HELZ: variants seen among roughly 807,000 people sequenced by gnomAD.
The protein encoded by HELZ is helicase with zinc finger.
In HELZ, 23 loss-of-function variants were observed where a neutral mutation model predicts 218.2. The ratio of observed to expected loss-of-function variants is 0.11; its 90% CI spans 0.08 to 0.15. The LOEUF (loss-of-function observed/expected upper bound fraction) is 0.15. HELZ is among the 10% of genes least tolerant of loss of function. The pLI is 1.00. For synonymous variants in HELZ, 814 were observed against 829.4 expected (o/e 0.98, Z 0.32); for missense variants, 1,813 against 2,353.7 (o/e 0.77, Z 4.75).
At chr17:67,167,363 G>C in intron 14 of HELZ, 100 bp downstream of exon 14, 2 of 860,816 alleles carry the variant, frequency 2.3e-6, no homozygotes, top group Non-Finnish European at 3.7e-6. Flanking sequence ...AGTCAGCTTT[G>C]CTTTTGTTTA....
intron 5 of HELZ, among the ~76,000 whole-genome samples, chr17:67,209,779 A>C (rs191212866): frequency 6.6e-6 from 1 of 152,288 alleles, no homozygotes; most frequent in African/African-American, 2.4e-5. Context: ...TCATCTGTAA[A>C]ACTGCAATGA....
At chr17:67,243,024 A>C (rs1190862621) in intron 2 of HELZ, among the ~76,000 whole-genome samples, 1 of 152,212 alleles carries the variant, frequency 6.6e-6, no homozygotes, top group Non-Finnish European at 1.5e-5. Flanking sequence ...AAAACATTTT[A>C]AGTTGAGAAA....
intron 22 of HELZ, 81 bp from the exon 23 acceptor site, chr17:67,136,279 A>C: frequency 1.1e-6 from 1 of 928,952 alleles, no homozygotes; most frequent in Non-Finnish European, 1.6e-6. Flanking sequence ...CATTTTTTAA[A>C]ATGTTATTGC....
chr17:67,089,609 A>T (rs1223462268), intron 31 of HELZ, among the ~76,000 whole-genome samples: 1 of 146,952 alleles, frequency 6.8e-6, no homozygotes, highest in Non-Finnish European at 1.5e-5. Context: ...AAACTGGAAA[A>T]TTTTTTAATG....
At chr17:67,140,664 GTTC>G (rs2038294978) in intron 21 of HELZ, among the ~76,000 whole-genome samples, 1 of 152,078 alleles carries the variant, frequency 6.6e-6, no homozygotes. Flanking sequence ...CAGAAAAAAG[GTTC>G]AAAGAAATAA....
rs1301765625 is a variant in HELZ at position 67,077,066 on chromosome 17, A to G, written c.*1186T>C. 2.6e-5 allele frequency: 4 copies of G among 152,250 alleles called. No individual in the cohort carries two copies. The highest frequency in any genetic ancestry group is 5.9e-5 in the Non-Finnish European group (4 of 68,040). The allele number at this position is 152,250 out of a possible 1,614,324, so 9.4% of individuals were successfully genotyped here. A position where few individuals can be genotyped will look rare whatever the true frequency, so the allele number is the denominator to read the frequency against. On this transcript the variant is annotated 3_prime_UTR_variant, in exon 33 of 33. Transcript: ENST00000358691. ...TATTTAAGATGGCTATTTAAATTTT[A>G]TATTGTGTACAAGTTCAATAAGGGG...
At chr17:67,110,727 T>C (rs2037256455) in intron 28 of HELZ, among the ~76,000 whole-genome samples, 1 of 152,200 alleles carries the variant, frequency 6.6e-6, no homozygotes, top group Non-Finnish European at 1.5e-5. Flanking sequence ...CACTCATTTG[T>C]TTACATGTTG....
At chr17:67,171,714 C>A (rs767593834) in intron 13 of HELZ, among the ~76,000 whole-genome samples, 14 of 152,218 alleles carry the variant, frequency 9.2e-5, no homozygotes, top group Non-Finnish European at 1.6e-4. Flanking sequence ...GTCCCCACCA[C>A]ACAAGCACCC....
chr17:67,110,405 CAA>C (rs1040403797), intron 28 of HELZ, among the ~76,000 whole-genome samples: 3 of 152,026 alleles, frequency 2.0e-5, no homozygotes, highest in African/African-American at 7.3e-5. Flanking sequence ...TATATTTCCT[CAA>C]AAATATCTAT....
chr17:67,228,500 A>C (rs9895792), intron 3 of HELZ, among the ~76,000 whole-genome samples: 4,708 of 152,092 alleles, frequency 0.031, 248 homozygotes, highest in African/African-American at 0.11. Flanking sequence ...CGCCTCTACC[A>C]AAAATACAAA....
At chr17:67,148,533 C>T (rs778648221) in intron 20 of HELZ, 36 bp downstream of exon 20, 26 of 1,583,054 alleles carry the variant, frequency 1.6e-5, no homozygotes, top group African/African-American at 1.2e-4. Flanking sequence ...ATCAGACCAA[C>T]GAAAGTATGA....
chr17:67,102,741 AT>A (rs769004172), intron 31 of HELZ, among the ~76,000 whole-genome samples: 137 of 152,362 alleles, frequency 9.0e-4, no homozygotes, highest in Non-Finnish European at 1.5e-3. Context: ...TGCTAAAAAA[AT>A]ATTATCTTTG....
chr17:67,211,064 G>A (rs2040437715), intron 5 of HELZ, among the ~76,000 whole-genome samples: 1 of 152,150 alleles, frequency 6.6e-6, no homozygotes, highest in African/African-American at 2.4e-5. Flanking sequence ...TTGGTCGCTG[G>A]CTTGGCAATC....
At chr17:67,119,924 G>T in intron 27 of HELZ, 1 of 405,514 alleles carries the variant, frequency 2.5e-6, no homozygotes, top group South Asian at 1.8e-5. Flanking sequence ...TCAATTTTGT[G>T]TCTGTGTACA....
intron 31 of HELZ, among the ~76,000 whole-genome samples, chr17:67,091,116 T>C (rs1277735985): frequency 6.6e-6 from 1 of 152,080 alleles, no homozygotes; most frequent in African/African-American, 2.4e-5. Context: ...TATATTTCCA[T>C]TTTCACTCAA....
chr17:67,116,206 T>C (rs2037420903), intron 27 of HELZ, among the ~76,000 whole-genome samples: 1 of 138,346 alleles, frequency 7.2e-6, no homozygotes, highest in Non-Finnish European at 1.6e-5. Flanking sequence ...CAAAAAGGAG[T>C]CATTAAAAAA....
At chr17:67,207,947 T>C (rs2040347532) in intron 5 of HELZ, among the ~76,000 whole-genome samples, 1 of 152,150 alleles carries the variant, frequency 6.6e-6, no homozygotes, top group East Asian at 1.9e-4. Flanking sequence ...TGCAGTGAGC[T>C]GAGATCACTC....
chr17:67,234,969 G>A (rs1045759616), intron 3 of HELZ, among the ~76,000 whole-genome samples: 5 of 152,126 alleles, frequency 3.3e-5, no homozygotes, highest in Non-Finnish European at 7.4e-5. Context: ...ACTTAATCCC[G>A]AAGTACCTTG....
At chr17:67,165,581 G>GT (rs1301531885) in intron 15 of HELZ, among the ~76,000 whole-genome samples, 1 of 152,192 alleles carries the variant, frequency 6.6e-6, no homozygotes, top group African/African-American at 2.4e-5. Context: ...CAAAGGTGTT[G>GT]TGAGTTGAGC....
Sources: allele counts gnomAD v4.1 joint callset (sites outside exome capture counted in the v4.1 genomes callset), GRCh38; gene constraint gnomAD v4.1.1; transcripts MANE v1.5; gene names NCBI Gene and HGNC (gene_info 2026-07-23, HGNC 2026-07-21).